PPARGC1B: variants seen among roughly 807,000 people sequenced by gnomAD.
PPARGC1B encodes the protein peroxisome proliferator-activated receptor gamma coactivator 1-beta.
A neutral mutation model predicts 101.6 loss-of-function variants in PPARGC1B; 34 were observed. The ratio of observed to expected loss-of-function variants is 0.33; its 90% CI spans 0.25 to 0.45. The LOEUF is 0.45. PPARGC1B is among the 20% of genes least tolerant of loss of function. PPARGC1B has a pLI of 1.00. For synonymous variants in PPARGC1B, 548 were observed against 539.3 expected, an observed-to-expected ratio of 1.02 and a Z score of -0.22; for missense variants, 1,234 against 1,317.6, an observed-to-expected ratio of 0.94 and a Z score of 0.98.
intron 7 of PPARGC1B, among the ~76,000 whole-genome samples, chr5:149,835,947 C>CT (rs1204139507): frequency 1.2e-4 from 16 of 128,778 alleles, no homozygotes; most frequent in South Asian, 2.5e-4. Flanking sequence ...AAACTAGGGT[C>CT]TTTTTTTTTT....
rs1341688995 is a variant in PPARGC1B at position 149,820,595 on chromosome 5, G to A, written c.241G>A (p.Glu81Lys). ...EPNQYSPDDS[E>K]LFQIDSENEA... The stretch of plus-strand genomic sequence containing the variant: ...CAACCAGTACAGCCCCGATGACTCC[G>A]AGCTCTTCCAGGTATGCCCTTTCCA... The change falls in exon 2 of 12, where the codon GAG becomes AAG. Residue 81 changes from glutamate to lysine, a missense_variant. Glu to Lys is a moderately conservative substitution (Grantham distance 56, BLOSUM62 1). This residue lies in a region of PPARGC1B where 734 missense variants were observed against 768.4 expected (regional missense o/e 0.96). Coordinates refer to ENST00000309241, the MANE Select transcript of PPARGC1B (RefSeq NM_133263.4). 3 of 1,611,052 alleles carry A rather than the reference G, an allele frequency of 1.9e-6. No individual in the cohort carries two copies. Among genetic ancestry groups the A allele is most frequent in the Non-Finnish European group, 2.5e-6 (3 of 1,179,614 alleles).
chr5:149,746,226 C>T (rs1039707737), intron 1 of PPARGC1B, among the ~76,000 whole-genome samples: 1 of 152,216 alleles, frequency 6.6e-6, no homozygotes, highest in Non-Finnish European at 1.5e-5. Flanking sequence ...CAGGCATTGC[C>T]ATGGCTTGCT....
chr5:149,792,478 G>A (rs962859226), intron 1 of PPARGC1B, among the ~76,000 whole-genome samples: 1 of 152,174 alleles, frequency 6.6e-6, no homozygotes, highest in Non-Finnish European at 1.5e-5. Context: ...GGGATGAGAG[G>A]ATTGGAATGG....
chr5:149,801,696 C>T (rs1322414308), intron 1 of PPARGC1B, among the ~76,000 whole-genome samples: 4 of 152,116 alleles, frequency 2.6e-5, no homozygotes, highest in East Asian at 1.9e-4. Context: ...TGTGTCTAGC[C>T]GCCTGGTGGG....
At chr5:149,812,255 C>T (rs1244743200) in intron 1 of PPARGC1B, among the ~76,000 whole-genome samples, 6 of 152,220 alleles carry the variant, frequency 3.9e-5, no homozygotes, top group Non-Finnish European at 8.8e-5. Context: ...CTCAGAGCCC[C>T]TCTCTTCTGT....
chr5:149,820,715 T>A, intron 2 of PPARGC1B, 109 bp downstream of exon 2: 4 of 1,139,080 alleles, frequency 3.5e-6, no homozygotes, highest in Non-Finnish European at 5.0e-6. Flanking sequence ...TGCAGAGAAA[T>A]CCCCTCACCC....
intron 1 of PPARGC1B, chr5:149,732,782 G>A: frequency 4.2e-6 from 2 of 472,688 alleles, no homozygotes; most frequent in Non-Finnish European, 8.8e-6. Context: ...AGGAGTGAGC[G>A]GCTTGTATGG....
chr5:149,791,139 A>T (rs1474001130), intron 1 of PPARGC1B, among the ~76,000 whole-genome samples: 2 of 136,950 alleles, frequency 1.5e-5, no homozygotes, highest in Non-Finnish European at 3.0e-5. Flanking sequence ...AAATATAAAA[A>T]TTTTTACAGG....
chr5:149,737,476 C>T (rs748231771), intron 1 of PPARGC1B, among the ~76,000 whole-genome samples: 4 of 152,146 alleles, frequency 2.6e-5, no homozygotes, highest in Non-Finnish European at 4.4e-5. Flanking sequence ...CCTGCGAGCC[C>T]CTGCTCACCA....
chr5:149,847,764 T>C lies in PPARGC1B; in HGVS notation c.*206T>C. 1.8e-6 allele frequency: 1 copy of C among 564,796 alleles called. No homozygotes were observed. Among genetic ancestry groups the C allele is most frequent in the Non-Finnish European group, 3.2e-6 (1 of 317,414 alleles). 35.0% of individuals were successfully genotyped at this position (564,796 alleles called of 1,614,324 possible). A position where few individuals can be genotyped will look rare whatever the true frequency, so the allele number is the denominator to read the frequency against. On this transcript the variant is annotated 3_prime_UTR_variant, in exon 12 of 12. Coordinates refer to ENST00000309241, the MANE Select transcript of PPARGC1B (RefSeq NM_133263.4). ...AGCTGCTTCTGTCTGTGAGTTTCCA[T>C]GGTGTTGACGTTCCACTGCCACATT... is the stretch of plus-strand genomic sequence containing the variant.
At position 149,809,403 on chromosome 5, in the gene PPARGC1B, C is replaced by CATAGATAGATAG. The variant is rs201252118; in HGVS notation, c.79-11015_79-11004dup. Among the ~76,000 whole-genome samples the CATAGATAGATAG allele has an allele frequency of 1.4e-4, 9 of 65,068 alleles. 1 individual carries two copies. The highest frequency in any genetic ancestry group is 9.4e-5 in the Non-Finnish European group (3 of 32,072). 42.7% of individuals were successfully genotyped at this position (65,068 alleles called of 152,430 possible). The stretch of plus-strand genomic sequence containing the variant: ...GATAGATAGATAGATCCATCTCTAC[C>CATAGATAGATAG]ATAGATAGATAGATAGATAGATAGA... On this transcript the variant is annotated intron_variant, in intron 1 of 11. Transcript: ENST00000309241.
intron 1 of PPARGC1B, among the ~76,000 whole-genome samples, chr5:149,734,087 C>G (rs554842479): frequency 2.0e-5 from 3 of 151,818 alleles, no homozygotes; most frequent in Non-Finnish European, 2.9e-5. Flanking sequence ...TTTGGGAGGC[C>G]GAGGCGGGTG....
chr5:149,769,718 C>T (rs1253938824), intron 1 of PPARGC1B, among the ~76,000 whole-genome samples: 3 of 152,140 alleles, frequency 2.0e-5, no homozygotes, highest in Non-Finnish European at 4.4e-5. Flanking sequence ...GAGGGTGTGG[C>T]AGGGCTGCAT....
At chr5:149,778,647 C>A (rs984609872) in intron 1 of PPARGC1B, among the ~76,000 whole-genome samples, 2 of 152,172 alleles carry the variant, frequency 1.3e-5, no homozygotes, top group Non-Finnish European at 2.9e-5. Flanking sequence ...GGCTTGGCGT[C>A]GTGGGCCCTC....
At position 149,826,835 on chromosome 5, in the gene PPARGC1B, G is replaced by T. The variant is rs1162920062; in HGVS notation, c.415G>T (p.Ala139Ser). The change falls in exon 3 of 12, where the codon GCC becomes TCC. Residue 139 changes from alanine to serine, a missense_variant. Physicochemically the swap from Ala to Ser is moderately conservative, Grantham distance 99. Coordinates refer to ENST00000309241, the MANE Select transcript of PPARGC1B (RefSeq NM_133263.4). ...PAPSSAPPSP[A>S]PEKPSAPAPE... ...CCCCTCATCTGCACCCCCCAGCCCTGCCCCGGAGAAGCCCTCGGCCCCAGC... is the reference window on the plus strand; with the variant it reads ...CCCCTCATCTGCACCCCCCAGCCCTTCCCCGGAGAAGCCCTCGGCCCCAGC... The T allele has an allele frequency of 1.2e-6, 2 of 1,613,822 alleles. No individual in the cohort carries two copies. Among genetic ancestry groups the T allele is most frequent in the Non-Finnish European group, 1.7e-6 (2 of 1,179,814 alleles).
chr5:149,765,136 G>A (rs1755860244), intron 1 of PPARGC1B, among the ~76,000 whole-genome samples: 1 of 152,246 alleles, frequency 6.6e-6, no homozygotes, highest in South Asian at 2.1e-4. Flanking sequence ...CTGTGAAACA[G>A]TTAAGTTAGG....
At chr5:149,818,256 T>C (rs1264261812) in intron 1 of PPARGC1B, among the ~76,000 whole-genome samples, 1 of 152,186 alleles carries the variant, frequency 6.6e-6, no homozygotes, top group East Asian at 1.9e-4. Flanking sequence ...TAGAATTACA[T>C]GTTTTGTTTG....
intron 1 of PPARGC1B, among the ~76,000 whole-genome samples, chr5:149,816,335 A>G (rs1453994085): frequency 6.6e-6 from 1 of 152,218 alleles, no homozygotes; most frequent in Non-Finnish European, 1.5e-5. Context: ...AGGAGGCGGT[A>G]TGGTTTCGAG....
At chr5:149,764,764 G>T (rs1755841572) in intron 1 of PPARGC1B, among the ~76,000 whole-genome samples, 2 of 152,212 alleles carry the variant, frequency 1.3e-5, no homozygotes, top group Admixed American at 1.3e-4. Context: ...AAAATAAGTA[G>T]ATTTAAAGAC....
Sources: gnomAD v4.1 joint callset for allele counts (sites outside exome capture counted in the v4.1 genomes callset) on GRCh38, gnomAD v4.1.1 for gene constraint, gnomAD v4.1.1 regional missense constraint, MANE v1.5 for transcripts, NCBI Gene and HGNC (gene_info 2026-07-23, HGNC 2026-07-21) for gene names.